KCNQ1: variants seen among roughly 807,000 people sequenced by gnomAD.
The protein encoded by KCNQ1 is potassium voltage-gated channel subfamily Q member 1, also known as potassium voltage-gated channel subfamily KQT member 1.
In KCNQ1, 49 loss-of-function variants were observed where a neutral mutation model predicts 72.4. The observed-to-expected ratio is 0.68, with a 90% CI of 0.54 to 0.86. The LOEUF (loss-of-function observed/expected upper bound fraction) is 0.86, where lower values mean the gene tolerates loss of function less well. Among genes scored for constraint, KCNQ1 ranks in the 40% least tolerant of loss-of-function variants. The pLI is 0.00. For synonymous variants in KCNQ1, 450 were observed against 412.6 expected (o/e 1.09, Z -1.10); for missense variants, 790 against 945.1 (o/e 0.84, Z 2.15).
rs1849957074 is a variant in KCNQ1, at chr11:2,661,577, T to G, written c.1394-384T>G. 1 of 558,328 alleles carries G rather than the reference T, an allele frequency of 1.8e-6. No individual in the cohort carries two copies. Among genetic ancestry groups the G allele is most frequent in the Non-Finnish European group, 3.2e-6 (1 of 314,240 alleles). The allele number at this position is 558,328 out of a possible 1,614,324, so 34.6% of individuals were successfully genotyped here. A position where few individuals can be genotyped will look rare whatever the true frequency, so the allele number is the denominator to read the frequency against. On this transcript the variant is annotated intron_variant, in intron 10 of 15. Transcript: ENST00000155840. This position sits in a 1 kb window ranked among gnomAD's most constrained non-coding sequence, Gnocchi z 5.9. ...GTATGAGTGTGACAATGTATGGTGGTGGGAGCTGTTGTCCCTTACCAGGCC... is the reference window on the plus strand; with the variant it reads ...GTATGAGTGTGACAATGTATGGTGGGGGGAGCTGTTGTCCCTTACCAGGCC...
intron 11 of KCNQ1, chr11:2,696,059 A>C (rs1850671442): frequency 2.5e-6 from 1 of 398,534 alleles, no homozygotes; most frequent in South Asian, 1.3e-4. Context: ...TTATGAAAAC[A>C]GTCTTGACCC....
At chr11:2,570,498 C>T in intron 2 of KCNQ1, 130 bp from the exon 3 acceptor site, 1 of 1,246,284 alleles carries the variant, frequency 8.0e-7, no homozygotes, top group Non-Finnish European at 1.1e-6. Flanking sequence ...CAGGCCAGGA[C>T]CCGGGCCTGC....
rs1176726406 is a variant in KCNQ1, at chr11:2,595,460, G to A, written c.1393+6606G>A. 6.6e-6 allele frequency among the ~76,000 whole-genome samples: 1 copy of A among 152,152 alleles called. No homozygotes were observed. The highest frequency in any genetic ancestry group is 1.5e-5 in the Non-Finnish European group (1 of 68,032). The stretch of plus-strand genomic sequence containing the variant: ...GGCAACCTTGCTCAAGTTGAAGCCA[G>A]TACTCACGTACCATTTCAACAATCC... On this transcript the variant is annotated intron_variant, in intron 10 of 15. Transcript: ENST00000155840. The surrounding 1 kb of genome is among the most constrained non-coding windows in gnomAD (Gnocchi z 5.0).
At chr11:2,630,449 CTT>C (rs778427292) in intron 10 of KCNQ1, 8 of 398,080 alleles carry the variant, frequency 2.0e-5, no homozygotes, top group Non-Finnish European at 2.7e-5. Context: ...ATTGTTCCCT[CTT>C]TGTTTGGGGG....
In KCNQ1 at chr11:2,549,454, C is replaced by T. The variant is rs548589470; in HGVS notation, c.478-21174C>T. Among the ~76,000 whole-genome samples the T allele has an allele frequency of 2.6e-5, 4 of 152,280 alleles. No homozygotes were observed. Among genetic ancestry groups the T allele is most frequent in the South Asian group, 2.1e-4 (1 of 4,824 alleles). The stretch of plus-strand genomic sequence containing the variant: ...AGGCCTCAGATTTTCTACCTCAAAG[C>T]GATGGAACCCAGAAGACATGGGGCC... On this transcript the variant is annotated intron_variant, in intron 2 of 15. Coordinates refer to ENST00000155840, the MANE Select transcript of KCNQ1 (RefSeq NM_000218.3). This position sits in a 1 kb window ranked among gnomAD's most constrained non-coding sequence, Gnocchi z 6.2.
At chr11:2,571,304 C>T in intron 3 of KCNQ1, 21 bp from the exon 4 acceptor site, 4 of 1,605,998 alleles carry the variant, frequency 2.5e-6, no homozygotes, top group South Asian at 2.2e-5. Flanking sequence ...CGAAAAGCTC[C>T]CCCTCTCCTG....
At chr11:2,577,720 C>G (rs745876755) in intron 6 of KCNQ1, among the ~76,000 whole-genome samples, 13 of 152,216 alleles carry the variant, frequency 8.5e-5, no homozygotes, top group Non-Finnish European at 1.8e-4. Flanking sequence ...GCGTCAGCCC[C>G]TTTATGGCTG....
At position 2,549,914 on chromosome 11, in the gene KCNQ1, C is replaced by T. The variant is rs575660055; in HGVS notation, c.478-20714C>T. Among the ~76,000 whole-genome samples, 871 of 152,294 alleles carry T rather than the reference C, an allele frequency of 5.7e-3. 7 individuals are homozygous for T. The highest frequency in any genetic ancestry group is 9.7e-3 in the Non-Finnish European group (659 of 68,008). The stretch of plus-strand genomic sequence containing the variant: ...CTGGGGGTTCCGGCTCCTTGCCCAC[C>T]GCCCCCGCCACCCAGCGCGAGCCGC... On this transcript the variant is annotated intron_variant, in intron 2 of 15. Transcript: ENST00000155840. This position sits in a 1 kb window ranked among gnomAD's most constrained non-coding sequence, Gnocchi z 6.2.
rs1376850906 is a variant in KCNQ1 at position 2,623,407 on chromosome 11, C to T, written c.1393+34553C>T. The T allele has an allele frequency of 2.5e-6, 1 of 398,450 alleles. No individual in the cohort carries two copies. The highest frequency in any genetic ancestry group is 4.4e-6 in the Non-Finnish European group (1 of 226,058). The allele number at this position is 398,450 out of a possible 1,614,324, so 24.7% of individuals were successfully genotyped here. A position where few individuals can be genotyped will look rare whatever the true frequency, so the allele number is the denominator to read the frequency against. ...ACATTTTCACTGCCCTAAAAGTACT[C>T]TGTGCACTGCCTATTCAACCCTTCT... is the stretch of plus-strand genomic sequence containing the variant. On this transcript the variant is annotated intron_variant, in intron 10 of 15. Transcript: ENST00000155840. This position sits in a 1 kb window ranked among gnomAD's most constrained non-coding sequence, Gnocchi z 5.2.
intron 10 of KCNQ1, chr11:2,639,048 A>C (rs1411190509): frequency 6.6e-6 from 1 of 152,166 alleles, no homozygotes; most frequent in African/African-American, 2.4e-5. Context: ...TTCTTGTGCC[A>C]TGGTTTTCTG....
chr11:2,537,860 T>C lies in KCNQ1; in HGVS notation c.477+9842T>C, dbSNP rs1332163642. Among the ~76,000 whole-genome samples, 1 of 152,104 alleles carries C rather than the reference T, an allele frequency of 6.6e-6. No homozygotes were observed. Among genetic ancestry groups the C allele is most frequent in the Non-Finnish European group, 1.5e-5 (1 of 68,034 alleles). Reference sequence around the variant, plus strand: ...CCTCCTGAGCAGCTGGGACTGTGGGTGCGTGCCACCATGCCCCGCTAATTT... The same window carrying C: ...CCTCCTGAGCAGCTGGGACTGTGGGCGCGTGCCACCATGCCCCGCTAATTT... On this transcript the variant is annotated intron_variant, in intron 2 of 15. Transcript: ENST00000155840. The surrounding 1 kb of genome is among the most constrained non-coding windows in gnomAD (Gnocchi z 5.2).
chr11:2,499,019 C>G lies in KCNQ1; in HGVS notation c.387-28909C>G, dbSNP rs1846966184. 2.0e-5 allele frequency among the ~76,000 whole-genome samples: 3 copies of G among 152,140 alleles called. No individual in the cohort carries two copies. In the South Asian group the frequency reaches 6.2e-4, roughly 32 times the overall value. On this transcript the variant is annotated intron_variant, in intron 1 of 15. Transcript: ENST00000155840. ...GCACTTCCCAGGTGAGGCGATGCCC[C>G]ACCTGCTTCTGTGTGCCCTCCGTGG...
rs549979489 is a variant in KCNQ1 at position 2,827,427 on chromosome 11, C to T, written c.1795-20340C>T. 6.6e-6 allele frequency among the ~76,000 whole-genome samples: 1 copy of T among 152,240 alleles called. No homozygotes were observed. Among genetic ancestry groups the T allele is most frequent in the East Asian group, 1.9e-4 (1 of 5,188 alleles). ...ATTCACCATCACATCTGCATTCCAG[C>T]AGCAGGAGGGAGGTAAAAGACATGA... On this transcript the variant is annotated intron_variant, in intron 15 of 15. Transcript: ENST00000155840. This position sits in a 1 kb window ranked among gnomAD's most constrained non-coding sequence, Gnocchi z 6.7.
chr11:2,629,382 A>T lies in KCNQ1; in HGVS notation c.1394-32579A>T, dbSNP rs142357067. On this transcript the variant is annotated intron_variant, in intron 10 of 15. Coordinates refer to ENST00000155840, the MANE Select transcript of KCNQ1 (RefSeq NM_000218.3). ...TTATTTTATCTGTGCCTTTCATATT[A>T]TATCCAAATGAAGTCAATACCAAAT... 2.8e-3 allele frequency: 1,096 copies of T among 398,456 alleles called. 7 individuals are homozygous for T. The highest frequency in any genetic ancestry group is 0.02 in the African/African-American group (957 of 48,728). The allele number at this position is 398,456 out of a possible 1,614,324, so 24.7% of individuals were successfully genotyped here.
rs1850586531 is a variant in KCNQ1 at position 2,691,456 on chromosome 11, G to A, written c.1514+29375G>A. On this transcript the variant is annotated intron_variant, in intron 11 of 15. Transcript: ENST00000155840. This position sits in a 1 kb window ranked among gnomAD's most constrained non-coding sequence, Gnocchi z 6.4. ...TCCCTGCCCCCACTGAGTCTCTGAT[G>A]TTGACAGCCTCTTTGTTTTTTCATC... is the stretch of plus-strand genomic sequence containing the variant. The A allele has an allele frequency of 5.0e-6, 2 of 398,468 alleles. No individual in the cohort carries two copies. Among genetic ancestry groups the A allele is most frequent in the African/African-American group, 2.1e-5 (1 of 48,602 alleles). 24.7% of individuals were successfully genotyped at this position (398,468 alleles called of 1,614,324 possible). A position where few individuals can be genotyped will look rare whatever the true frequency, so the allele number is the denominator to read the frequency against.
chr11:2,683,855 A>C lies in KCNQ1; in HGVS notation c.1514+21774A>C, dbSNP rs1206749834. ...GTTGGATTCCCCTCCCTGGCCCCAC[A>C]CTCACTGCTACATCTCTCTTCCAAA... On this transcript the variant is annotated intron_variant, in intron 11 of 15. Coordinates refer to ENST00000155840, the MANE Select transcript of KCNQ1 (RefSeq NM_000218.3). This position sits in a 1 kb window ranked among gnomAD's most constrained non-coding sequence, Gnocchi z 4.7. 2.5e-6 allele frequency: 1 copy of C among 398,110 alleles called. No individual in the cohort carries two copies. The highest frequency in any genetic ancestry group is 4.4e-6 in the Non-Finnish European group (1 of 226,014). The allele number at this position is 398,110 out of a possible 1,614,324, so 24.7% of individuals were successfully genotyped here.
chr11:2,656,189 C>T, intron 10 of KCNQ1: 1 of 398,566 alleles, frequency 2.5e-6, no homozygotes, highest in Non-Finnish European at 4.4e-6. Context: ...TTCTTCCTTC[C>T]TTTAAAAAAA....
chr11:2,743,318 T>TCAC (rs1219852929), intron 11 of KCNQ1, among the ~76,000 whole-genome samples: 4 of 152,182 alleles, frequency 2.6e-5, no homozygotes, highest in Non-Finnish European at 2.9e-5. Flanking sequence ...GTGTCTCTCT[T>TCAC]CACCTCTTCA....
chr11:2,720,083 C>T lies in KCNQ1; in HGVS notation c.1515-48761C>T, dbSNP rs559254615. 3.3e-5 allele frequency among the ~76,000 whole-genome samples: 5 copies of T among 152,338 alleles called. No individual in the cohort carries two copies. The highest frequency in any genetic ancestry group is 4.1e-4 in the South Asian group (2 of 4,824). On this transcript the variant is annotated intron_variant, in intron 11 of 15. Transcript: ENST00000155840. This position sits in a 1 kb window ranked among gnomAD's most constrained non-coding sequence, Gnocchi z 5.1. ...CTGTCCGTGTCCCTCCATGCCAGCT[C>T]ACTGGAGGGGCTCCTGCTGAAAGAG...
Sources: gnomAD v4.1 joint callset for allele counts (sites outside exome capture counted in the v4.1 genomes callset) on GRCh38, gnomAD v4.1.1 for gene constraint, Gnocchi (gnomAD v3.1) non-coding constraint, MANE v1.5 for transcripts, NCBI Gene and HGNC (gene_info 2026-07-23, HGNC 2026-07-21) for gene names.